The following SGCD variants were observed in gnomAD, a reference collection of about 807,000 sequenced individuals.
The protein encoded by SGCD is delta-sarcoglycan.
In SGCD, 18 loss-of-function variants were observed where a neutral mutation model predicts 36.6. The ratio of observed to expected loss-of-function variants is 0.49; its 90% CI spans 0.34 to 0.73. The LOEUF (loss-of-function observed/expected upper bound fraction) is 0.73. Among genes scored for constraint, SGCD ranks in the 30% least tolerant of loss-of-function variants. SGCD has a pLI of 0.01. For missense variants in SGCD, 387 were observed against 346.7 expected (o/e 1.12, Z -0.92); for synonymous variants, 133 against 130.6 (o/e 1.02, Z -0.12).
At chr5:156,286,970 T>G (rs1446601513) in intron 3 of SGCD, among the ~76,000 whole-genome samples, 2 of 152,116 alleles carry the variant, frequency 1.3e-5, no homozygotes, top group Non-Finnish European at 2.9e-5. Context: ...GATCACTCTG[T>G]GTTAATGGAC....
intron 1 of SGCD, among the ~76,000 whole-genome samples, chr5:156,102,006 A>G (rs1425020356): frequency 2.0e-5 from 3 of 150,060 alleles, no homozygotes; most frequent in African/African-American, 7.4e-5. Context: ...TATAAAAGCA[A>G]TGAGAGTTTA....
intron 5 of SGCD, among the ~76,000 whole-genome samples, chr5:156,591,855 C>T (rs1760734640): frequency 1.3e-5 from 2 of 152,096 alleles, no homozygotes; most frequent in Admixed American, 1.3e-4. Context: ...ATTTTGCAGC[C>T]TCAGGTGAAA....
chr5:156,024,400 G>A (rs1240843282), intron 1 of SGCD, among the ~76,000 whole-genome samples: 2 of 151,704 alleles, frequency 1.3e-5, no homozygotes, highest in African/African-American at 4.8e-5. Flanking sequence ...GATTGTGAAA[G>A]TTAGTGGGGA....
the SGCD span, among the ~76,000 whole-genome samples, chr5:155,774,322 T>C: frequency 6.6e-6 from 1 of 152,150 alleles, no homozygotes; most frequent in African/African-American, 2.4e-5. Context: ...GGTACTTTGG[T>C]AACATTCTTT....
intron 1 of SGCD, among the ~76,000 whole-genome samples, chr5:155,964,374 C>CT (rs1757858532): frequency 6.6e-6 from 1 of 152,058 alleles, no homozygotes; most frequent in Non-Finnish European, 1.5e-5. Flanking sequence ...GAGTCTCACT[C>CT]TGTCACCCAG....
intron 1 of SGCD, among the ~76,000 whole-genome samples, chr5:156,068,271 C>A (rs556951992): frequency 3.9e-5 from 6 of 151,988 alleles, no homozygotes; most frequent in South Asian, 4.1e-4. Flanking sequence ...ATCCCTCCCC[C>A]CTTTCCCCAC....
At chr5:155,974,488 C>G (rs7736718) in intron 1 of SGCD, among the ~76,000 whole-genome samples, 6,542 of 151,582 alleles carry the variant, frequency 0.043, 488 homozygotes, top group African/African-American at 0.15. Context: ...CCACAGGTCA[C>G]AATCCACAGG....
At chr5:156,562,341 T>TAAGC (rs1759299925) in intron 4 of SGCD, among the ~76,000 whole-genome samples, 3 of 152,240 alleles carry the variant, frequency 2.0e-5, no homozygotes, top group African/African-American at 4.8e-5. Context: ...AGTGGCCATT[T>TAAGC]AAGCAAGCAC....
At chr5:155,756,145 C>G in the SGCD span, among the ~76,000 whole-genome samples, 5 of 152,320 alleles carry the variant, frequency 3.3e-5, no homozygotes, top group Admixed American at 6.5e-5. Context: ...GTTTTCTGAT[C>G]TGTAAAAGGG....
intron 4 of SGCD, among the ~76,000 whole-genome samples, chr5:156,524,112 A>G (rs1489796497): frequency 3.1e-5 from 1 of 31,898 alleles, no homozygotes; most frequent in African/African-American, 9.6e-5. Flanking sequence ...ATATATATAT[A>G]TATATATATA....
the SGCD span, among the ~76,000 whole-genome samples, chr5:155,794,482 A>C: frequency 6.6e-6 from 1 of 152,128 alleles, no homozygotes; most frequent in African/African-American, 2.4e-5. Context: ...TCAGTTAAGT[A>C]AAATCTATAA....
chr5:156,297,693 C>A (rs546097891), intron 3 of SGCD, among the ~76,000 whole-genome samples: 1 of 151,064 alleles, frequency 6.6e-6, no homozygotes, highest in Non-Finnish European at 1.5e-5. Flanking sequence ...TGCTAGATGA[C>A]GAGTTAGTGG....
At chr5:156,614,008 G>A (rs919823214) in intron 6 of SGCD, among the ~76,000 whole-genome samples, 8 of 151,998 alleles carry the variant, frequency 5.3e-5, no homozygotes, top group Admixed American at 4.6e-4. Context: ...GTACACTAGT[G>A]CGATCTCAGC....
At position 156,152,004 on chromosome 5, in the gene SGCD, A is replaced by G. The variant is rs1762844960; in HGVS notation, c.-44+27985A>G. ...AGCCAAAGATGTTTCTCCTGAAGCC[A>G]TTGGCTTGTATTGAGGTATTGATTT... On this transcript the variant is annotated intron_variant, in intron 3 of 9. Transcript: ENST00000517913. 2.0e-5 allele frequency among the ~76,000 whole-genome samples: 3 copies of G among 151,320 alleles called. No individual in the cohort carries two copies. In the South Asian group the frequency reaches 6.2e-4, roughly 31 times the overall value.
intron 4 of SGCD, among the ~76,000 whole-genome samples, chr5:156,537,065 C>T (rs143202388): frequency 3.3e-5 from 5 of 152,228 alleles, no homozygotes; most frequent in Non-Finnish European, 5.9e-5. Flanking sequence ...TGGAGATTTC[C>T]GGTCCTGAAA....
At chr5:155,881,024 A>G (rs1230637569) in intron 1 of SGCD, among the ~76,000 whole-genome samples, 3 of 152,154 alleles carry the variant, frequency 2.0e-5, no homozygotes, top group Non-Finnish European at 2.9e-5. Context: ...CAGGGACTCC[A>G]ATAGCTAAAA....
intron 1 of SGCD, among the ~76,000 whole-genome samples, chr5:156,093,200 G>C (rs1427612422): frequency 6.6e-6 from 1 of 152,090 alleles, no homozygotes; most frequent in Non-Finnish European, 1.5e-5. Context: ...TTCTACAATA[G>C]GCCCATTGTT....
intron 4 of SGCD, among the ~76,000 whole-genome samples, chr5:156,555,863 A>G (rs1758999127): frequency 6.6e-6 from 1 of 151,962 alleles, no homozygotes; most frequent in African/African-American, 2.4e-5. Flanking sequence ...TTCTTTTAGC[A>G]GTGTTTTGTA....
chr5:156,069,065 C>T (rs1054432231), intron 1 of SGCD, among the ~76,000 whole-genome samples: 130 of 152,220 alleles, frequency 8.5e-4, no homozygotes, highest in East Asian at 1.7e-3. Flanking sequence ...TTCTCCCATT[C>T]TGTAGGTTGC....
Sources: gnomAD v4.1 joint callset for allele counts (sites outside exome capture counted in the v4.1 genomes callset) on GRCh38, gnomAD v4.1.1 for gene constraint, MANE v1.5 for transcripts, NCBI Gene and HGNC (gene_info 2026-07-23, HGNC 2026-07-21) for gene names.